Variants in COL13A1 observed in about 807,000 individuals in gnomAD.
COL13A1 encodes the protein collagen alpha-1(XIII) chain.
Under a neutral mutation model 130.9 loss-of-function variants are expected in COL13A1, and 89 were observed. The ratio of observed to expected loss-of-function variants is 0.68; its 90% CI spans 0.57 to 0.81. The LOEUF is 0.81. Ranked by LOEUF, COL13A1 falls within the 30% of genes least tolerant of loss-of-function variation. The pLI is 0.00. For synonymous variants in COL13A1, 402 were observed against 341.6 expected (o/e 1.18, Z -1.95); for missense variants, 879 against 934.6 (o/e 0.94, Z 0.78).
intron 2 of COL13A1, among the ~76,000 whole-genome samples, chr10:69,827,157 G>C (rs1256160599): frequency 2.6e-5 from 4 of 152,190 alleles, no homozygotes; most frequent in Admixed American, 2.6e-4. Flanking sequence ...AAACTCGGAG[G>C]AGCAAGAAAA....
chr10:69,877,998 C>G (rs1432628155), intron 5 of COL13A1, 41 bp from the exon 6 acceptor site: 1 of 702,384 alleles, frequency 1.4e-6, no homozygotes, highest in Non-Finnish European at 2.6e-6. Flanking sequence ...CTCTCCCCTC[C>G]TTTCCCTTCC....
intron 2 of COL13A1, among the ~76,000 whole-genome samples, chr10:69,855,820 T>C (rs1007364593): frequency 2.4e-5 from 1 of 41,782 alleles, no homozygotes; most frequent in Non-Finnish European, 6.1e-5. Context: ...CACTTGTCAT[T>C]GTTTAGTGTA....
At chr10:69,922,447 C>T (rs1029970459) in intron 22 of COL13A1, among the ~76,000 whole-genome samples, 22 of 152,212 alleles carry the variant, frequency 1.4e-4, no homozygotes, top group African/African-American at 5.1e-4. Flanking sequence ...ACCCACTGAA[C>T]AGTGTTCCGT....
intron 25 of COL13A1, 59 bp downstream of exon 25, chr10:69,925,066 T>G (rs907037421): frequency 6.9e-7 from 1 of 1,446,482 alleles, no homozygotes; most frequent in Non-Finnish European, 9.2e-7. Flanking sequence ...CAAAAAAGCA[T>G]CTGAGACAGG....
chr10:69,931,176 C>A (rs1481482693), intron 30 of COL13A1: 2 of 456,108 alleles, frequency 4.4e-6, no homozygotes, highest in Non-Finnish European at 8.8e-6. Flanking sequence ...GATGGCCCAA[C>A]TGGGGAGAGG....
chr10:69,829,204 C>T, intron 2 of COL13A1: 1 of 984,936 alleles, frequency 1.0e-6, no homozygotes, highest in Non-Finnish European at 1.2e-6. Context: ...TGTCAATTTC[C>T]TCCACCTCCA....
chr10:69,802,497 C>T lies in COL13A1; in HGVS notation c.74C>T (p.Thr25Met), dbSNP rs1840272174. 3 of 1,534,490 alleles carry T rather than the reference C, an allele frequency of 2.0e-6. No homozygotes were observed. Among genetic ancestry groups the T allele is most frequent in the African/African-American group, 1.4e-5 (1 of 70,366 alleles). The change falls in exon 1 of 41, where the codon ACG becomes ATG. Residue 25 changes from threonine (T) to methionine (M), a missense_variant. Thr to Met is a moderately conservative substitution (Grantham distance 81, BLOSUM62 -1). Around this residue, in one of 3 missense-constraint regions of COL13A1, gnomAD observed 715 missense variants for 721.0 expected, o/e 0.99. Transcript: ENST00000645393. ...RGPGELGAPG[T>M]VALVAARAER... ...CCTGGGGAGTTGGGCGCGCCCGGGA[C>T]GGTGGCTCTGGTGGCGGCGCGGGCG... is the stretch of plus-strand genomic sequence containing the variant.
chr10:69,819,184 A>G (rs1238036873), intron 1 of COL13A1, among the ~76,000 whole-genome samples: 1 of 152,222 alleles, frequency 6.6e-6, no homozygotes, highest in Non-Finnish European at 1.5e-5. Context: ...TACTTGTTCA[A>G]GGCAATTCCC....
intron 5 of COL13A1, among the ~76,000 whole-genome samples, chr10:69,877,063 A>G (rs997565261): frequency 2.6e-5 from 4 of 152,172 alleles, no homozygotes; most frequent in African/African-American, 9.7e-5. Context: ...CCTTCTTAGC[A>G]GGTCTATTTT....
At chr10:69,817,497 G>A (rs888382320) in intron 1 of COL13A1, among the ~76,000 whole-genome samples, 1 of 151,940 alleles carries the variant, frequency 6.6e-6, no homozygotes, top group East Asian at 1.9e-4. Context: ...AGGGTTGAGG[G>A]AACCACAGAA....
At chr10:69,822,970 A>G (rs1344001987) in intron 2 of COL13A1, among the ~76,000 whole-genome samples, 1 of 152,266 alleles carries the variant, frequency 6.6e-6, no homozygotes. Flanking sequence ...GCAAGGAATG[A>G]AGGCACAAGC....
chr10:69,830,333 T>C (rs1235676453), intron 2 of COL13A1, among the ~76,000 whole-genome samples: 2 of 152,242 alleles, frequency 1.3e-5, no homozygotes, highest in African/African-American at 2.4e-5. Flanking sequence ...TAAATATTTG[T>C]CAGCAGGAGT....
chr10:69,829,249 A>C (rs1462535728), intron 2 of COL13A1: 1 of 985,014 alleles, frequency 1.0e-6, no homozygotes, highest in Non-Finnish European at 1.2e-6. Flanking sequence ...CTGCCACCTG[A>C]CCTCCTCCAA....
At chr10:69,920,862 A>G (rs970232286) in intron 21 of COL13A1, among the ~76,000 whole-genome samples, 9 of 152,154 alleles carry the variant, frequency 5.9e-5, no homozygotes, top group African/African-American at 2.2e-4. Flanking sequence ...CTGACTCAGT[A>G]AGGGGTTGGC....
chr10:69,839,498 G>A (rs1306982627), intron 2 of COL13A1, among the ~76,000 whole-genome samples: 2 of 152,204 alleles, frequency 1.3e-5, no homozygotes, highest in Non-Finnish European at 2.9e-5. Context: ...AGGGCATTGT[G>A]GGGGGCAGTG....
chr10:69,942,854 C>T (rs2067851686), intron 35 of COL13A1, among the ~76,000 whole-genome samples: 1 of 152,132 alleles, frequency 6.6e-6, no homozygotes, highest in African/African-American at 2.4e-5. Flanking sequence ...GAGCTGACTC[C>T]TTATTGTTTT....
Position 69,922,553 on chromosome 10 carries a change from T to G in COL13A1, c.1144-155T>G, listed in dbSNP as rs528336283. 4.4e-4 allele frequency among the ~76,000 whole-genome samples: 67 copies of G among 152,228 alleles called. 1 individual carries two copies. The highest frequency in any genetic ancestry group is 3.4e-3 in the Middle Eastern group (1 of 294). On this transcript the variant is annotated intron_variant, in intron 22 of 40. Coordinates refer to ENST00000645393, the MANE Select transcript of COL13A1 (RefSeq NM_001368882.1). ...TGCCCTTCAGTAAACACTTCCAATCTCTCTTCAAATCCCACAGCTGGATCA... is the reference window on the plus strand; with the variant it reads ...TGCCCTTCAGTAAACACTTCCAATCGCTCTTCAAATCCCACAGCTGGATCA...
At chr10:69,861,721 T>C (rs1448898152) in intron 2 of COL13A1, among the ~76,000 whole-genome samples, 1 of 152,218 alleles carries the variant, frequency 6.6e-6, no homozygotes, top group African/African-American at 2.4e-5. Flanking sequence ...TGATTGATAG[T>C]GGCTGTGTTG....
intron 2 of COL13A1, among the ~76,000 whole-genome samples, chr10:69,856,072 T>C (rs1036975352): frequency 6.6e-6 from 1 of 152,226 alleles, no homozygotes; most frequent in Non-Finnish European, 1.5e-5. Context: ...CCAGAGACTG[T>C]GTATTGCGAA....
Sources: allele counts gnomAD v4.1 joint callset (sites outside exome capture counted in the v4.1 genomes callset), GRCh38; gene constraint gnomAD v4.1.1; regional missense constraint gnomAD v4.1.1; transcripts MANE v1.5; gene names NCBI Gene and HGNC (gene_info 2026-07-23, HGNC 2026-07-21).